The following ACKR5 variants were observed in gnomAD, a reference collection of about 807,000 sequenced individuals.
The protein encoded by ACKR5 is atypical chemokine receptor 5, also known as G protein-coupled receptor 182.
the ACKR5 span, chr12:56,997,025 C>G: frequency 6.6e-6 from 1 of 152,344 alleles, no homozygotes; most frequent in Non-Finnish European, 1.5e-5. Context: ...AGACCTGCAC[C>G]CTGCAGCTGG....
the ACKR5 span, chr12:56,998,803 G>A: frequency 2.0e-4 from 31 of 152,704 alleles, no homozygotes; most frequent in Admixed American, 5.2e-4. Context: ...CCAGGTATGA[G>A]CATATTCATA....
At chr12:56,996,210 C>G in the ACKR5 span, 12 of 1,614,092 alleles carry the variant, frequency 7.4e-6, no homozygotes, top group Non-Finnish European at 1.0e-5. Context: ...CTCCTGAATG[C>G]TGTAGTCCAT....
the ACKR5 span, chr12:56,997,394 A>G: frequency 6.6e-6 from 1 of 152,278 alleles, no homozygotes; most frequent in Admixed American, 6.5e-5. Context: ...GGAAGGCCAC[A>G]GTGGAAACTT....
the ACKR5 span, chr12:56,995,319 A>G: frequency 5.0e-6 from 8 of 1,614,170 alleles, no homozygotes; most frequent in African/African-American, 9.3e-5. The surrounding 1 kb of genome is among the most constrained non-coding windows in gnomAD (Gnocchi z 4.7). Flanking sequence ...GACCTCTTCA[A>G]CCACACTTTG....
At chr12:56,997,551 G>C in the ACKR5 span, 1 of 152,338 alleles carries the variant, frequency 6.6e-6, no homozygotes, top group South Asian at 2.1e-4. Flanking sequence ...TTAACAAGTA[G>C]ACCTTCTGGA....
the ACKR5 span, chr12:56,995,979 G>T: frequency 1.2e-6 from 2 of 1,611,000 alleles, no homozygotes; most frequent in Non-Finnish European, 1.7e-6. The surrounding 1 kb of genome is among the most constrained non-coding windows in gnomAD (Gnocchi z 4.7). Context: ...CGGCGCCACT[G>T]CCTGCTGCTG....
the ACKR5 span, chr12:56,996,089 C>T: frequency 6.2e-7 from 1 of 1,613,354 alleles, no homozygotes. Flanking sequence ...CCACTGCCAC[C>T]TGGTCCACCT....
chr12:56,996,235 C>T, the ACKR5 span: 3 of 1,614,008 alleles, frequency 1.9e-6, no homozygotes, highest in African/African-American at 4.0e-5. Flanking sequence ...TTCCTAAGGA[C>T]CAGACCAAGG....
the ACKR5 span, among the ~76,000 whole-genome samples, chr12:56,994,904 T>A: frequency 1.6e-5 from 1 of 63,928 alleles, no homozygotes; most frequent in Non-Finnish European, 3.1e-5. Context: ...GTGGGGGGAT[T>A]GAGGGGGTTG....
chr12:56,995,713 A>T, the ACKR5 span: 6 of 1,613,704 alleles, frequency 3.7e-6, no homozygotes, highest in Non-Finnish European at 3.4e-6. This position sits in a 1 kb window ranked among gnomAD's most constrained non-coding sequence, Gnocchi z 4.7. Flanking sequence ...ACCAGCACCG[A>T]GTGCGGCGGG....
chr12:56,998,688 G>A, the ACKR5 span: 4 of 152,570 alleles, frequency 2.6e-5, no homozygotes, highest in South Asian at 8.3e-4. Flanking sequence ...TAATCCTGGG[G>A]AATTCCAGCT....
At chr12:56,996,019 C>A in the ACKR5 span, 1 of 1,610,308 alleles carries the variant, frequency 6.2e-7, no homozygotes, top group Non-Finnish European at 8.5e-7. Flanking sequence ...TTGTCATGTG[C>A]TGGCTGCCCT....
At chr12:56,996,499 T>C in the ACKR5 span, 4 of 1,372,200 alleles carry the variant, frequency 2.9e-6, no homozygotes, top group Admixed American at 2.4e-5. Flanking sequence ...TGGGGGGATG[T>C]AGAGGGGAGG....
the ACKR5 span, chr12:56,995,321 C>T: frequency 1.2e-6 from 2 of 1,614,108 alleles, no homozygotes; most frequent in African/African-American, 2.7e-5. This position sits in a 1 kb window ranked among gnomAD's most constrained non-coding sequence, Gnocchi z 4.7. Context: ...CCTCTTCAAC[C>T]ACACTTTGTC....
chr12:56,998,585 C>T, the ACKR5 span: 2 of 152,252 alleles, frequency 1.3e-5, no homozygotes, highest in Admixed American at 6.5e-5. Context: ...GGACCCACCA[C>T]TCTCTCTGGG....
At chr12:56,995,300 G>A in the ACKR5 span, 18 of 1,614,056 alleles carry the variant, frequency 1.1e-5, no homozygotes, top group African/African-American at 2.7e-5. The surrounding 1 kb of genome is among the most constrained non-coding windows in gnomAD (Gnocchi z 4.7). Context: ...CAACTGGACC[G>A]AGCTGCTTGA....
chr12:56,996,981 G>C, the ACKR5 span: 26 of 152,792 alleles, frequency 1.7e-4, no homozygotes, highest in African/African-American at 6.3e-4. Flanking sequence ...AAGGCGGATG[G>C]GGATGGCAGG....
At chr12:56,996,050 C>T in the ACKR5 span, 1 of 1,611,634 alleles carries the variant, frequency 6.2e-7, no homozygotes, top group Non-Finnish European at 8.5e-7. Flanking sequence ...CCTGCTGCTG[C>T]TCACACTGCA....
At chr12:56,997,938 G>C in the ACKR5 span, 1 of 152,246 alleles carries the variant, frequency 6.6e-6, no homozygotes, top group African/African-American at 2.4e-5. Flanking sequence ...AAACCTGAAA[G>C]GGTCTTAAGC....
Sources: gnomAD v4.1 joint callset for allele counts (sites outside exome capture counted in the v4.1 genomes callset) on GRCh38, gnomAD v4.1.1 for gene constraint, Gnocchi (gnomAD v3.1) non-coding constraint, MANE v1.5 for transcripts, NCBI Gene and HGNC (gene_info 2026-07-23, HGNC 2026-07-21) for gene names.